The following NSD1 variants were observed in gnomAD, a reference collection of about 807,000 sequenced individuals.
NSD1 encodes the protein nuclear receptor binding SET domain protein 1.
NSD1 carries 26 observed loss-of-function variants against 242.7 expected under a neutral mutation model. The ratio of observed to expected loss-of-function variants is 0.11; its 90% confidence interval spans 0.08 to 0.15. The LOEUF (loss-of-function observed/expected upper bound fraction) is 0.15, where lower values mean the gene tolerates loss of function less well. Among genes scored for constraint, NSD1 ranks in the 10% least tolerant of loss-of-function variants. The pLI is 1.00. For synonymous variants in NSD1, 1,106 were observed against 1,178.1 expected (o/e 0.94, Z 1.25); for missense variants, 2,495 against 3,272.8 (o/e 0.76, Z 5.80).
intron 2 of NSD1, among the ~76,000 whole-genome samples, chr5:177,186,685 T>A (rs2149815204): frequency 6.6e-6 from 1 of 152,288 alleles, no homozygotes; most frequent in South Asian, 2.1e-4. Flanking sequence ...GATACGTCAC[T>A]GTCAGTGAAA....
At chr5:177,209,614 C>A in intron 4 of NSD1, 22 bp from the exon 5 acceptor site, 1 of 1,581,488 alleles carries the variant, frequency 6.3e-7, no homozygotes, top group Non-Finnish European at 8.7e-7. Flanking sequence ...AGTGATAATT[C>A]TTTTTCTCCT....
At chr5:177,164,312 A>T (rs1268033248) in intron 2 of NSD1, among the ~76,000 whole-genome samples, 1 of 151,868 alleles carries the variant, frequency 6.6e-6, no homozygotes, top group Non-Finnish European at 1.5e-5. Context: ...GCCTGCCACC[A>T]TGCCTGGCTA....
chr5:177,233,569 G>A (rs1765223941), intron 5 of NSD1, among the ~76,000 whole-genome samples: 2 of 141,366 alleles, frequency 1.4e-5, no homozygotes, highest in African/African-American at 2.7e-5. Context: ...AGTAGAGACA[G>A]GCTTTCACCA....
rs1212627700 is a variant in NSD1 at position 177,288,396 on chromosome 5, G to T, written c.6152-423G>T. The T allele has an allele frequency of 1.2e-5, 3 of 248,150 alleles. No homozygotes were observed. The East Asian group carries it at 3.3e-4, about 27-fold the overall frequency. The allele number at this position is 248,150 out of a possible 1,614,324, so 15.4% of individuals were successfully genotyped here. On this transcript the variant is annotated intron_variant, in intron 20 of 22. Coordinates refer to ENST00000439151, the MANE Select transcript of NSD1 (RefSeq NM_022455.5). ...TTCTAGTGTTATTCTGTACTGAGAT[G>T]CCTCTCCAGAGTGCTGCCAGGTAAC...
intron 14 of NSD1, chr5:177,265,678 G>A (rs918321950): frequency 6.2e-6 from 10 of 1,609,460 alleles, no homozygotes; most frequent in African/African-American, 1.3e-5. Context: ...GCCGCATGCC[G>A]ATGGTGCCGA....
chr5:177,141,557 T>A (rs966968616), intron 2 of NSD1, among the ~76,000 whole-genome samples: 9 of 151,748 alleles, frequency 5.9e-5, no homozygotes, highest in African/African-American at 2.2e-4. Context: ...CTCGAACCCC[T>A]AACCTCAAGT....
At chr5:177,132,817 G>A (rs962669950), upstream of NSD1, among the ~76,000 whole-genome samples, 1 of 145,700 alleles carries the variant, frequency 6.9e-6, no homozygotes, top group Non-Finnish European at 1.5e-5. The surrounding 1 kb of genome is among the most constrained non-coding windows in gnomAD (Gnocchi z 7.5). Flanking sequence ...GGGGGAGGGG[G>A]AAGGGAAGGG....
At chr5:177,180,489 C>T (rs1220652065) in intron 2 of NSD1, among the ~76,000 whole-genome samples, 1 of 152,104 alleles carries the variant, frequency 6.6e-6, no homozygotes. Flanking sequence ...TTCCTTGGCT[C>T]AAGTGATCCA....
At chr5:177,177,484 T>G (rs546734712) in intron 2 of NSD1, among the ~76,000 whole-genome samples, 1 of 152,168 alleles carries the variant, frequency 6.6e-6, no homozygotes, top group South Asian at 2.1e-4. Context: ...CACTCCAGTC[T>G]GGGTGACAGA....
intron 2 of NSD1, among the ~76,000 whole-genome samples, chr5:177,160,926 G>A (rs1408992981): frequency 1.1e-4 from 16 of 151,670 alleles, no homozygotes; most frequent in African/African-American, 1.9e-4. Flanking sequence ...GAGCCACCAC[G>A]CCCAGCTAAT....
Position 177,135,574 on chromosome 5 carries a change from T to G in NSD1, c.471T>G (p.Thr157=). The part of the protein sequence containing the change: ...KNGFLHFENF[T]CVDDADVDSE... Reference sequence around the variant, plus strand: ...GCTTTCTGCACTTTGAGAATTTTACTTGTGTGGACGATGCAGATGTAGATT... The same window carrying G: ...GCTTTCTGCACTTTGAGAATTTTACGTGTGTGGACGATGCAGATGTAGATT... The change falls in exon 2 of 23, where the codon ACT becomes ACG. Residue 157 remains threonine, a synonymous_variant. Coordinates refer to ENST00000439151, the MANE Select transcript of NSD1 (RefSeq NM_022455.5). 1.2e-6 allele frequency: 2 copies of G among 1,614,234 alleles called. No homozygotes were observed. The highest frequency in any genetic ancestry group is 1.7e-6 in the Non-Finnish European group (2 of 1,180,040).
At chr5:177,195,715 C>G (rs1047545860) in intron 3 of NSD1, among the ~76,000 whole-genome samples, 1 of 152,120 alleles carries the variant, frequency 6.6e-6, no homozygotes, top group African/African-American at 2.4e-5. Context: ...GCGATCTGCC[C>G]GCCTCGGCCT....
chr5:177,295,166 T>G lies in NSD1; in HGVS notation c.7798T>G (p.Phe2600Val). 6.2e-7 allele frequency: 1 copy of G among 1,614,164 alleles called. No individual in the cohort carries two copies. Among genetic ancestry groups the G allele is most frequent in the Non-Finnish European group, 8.5e-7 (1 of 1,180,024 alleles). The change falls in exon 23 of 23, where the codon TTT (phenylalanine) becomes GTT (valine). Residue 2600 changes from phenylalanine (F) to valine (V), a missense_variant. Physicochemically the swap from Phe to Val is conservative, Grantham distance 50. This residue lies in a region of NSD1 where 475 missense variants were observed against 563.7 expected (regional missense o/e 0.84). Transcript: ENST00000439151. The surrounding 1 kb of genome is among the most constrained non-coding windows in gnomAD (Gnocchi z 4.3). ...PALAAKSGQS[F>V]RSLGKAPASL... Reference sequence around the variant, plus strand: ...ACTTGCCGCCAAGAGTGGGCAATCTTTTAGGTCTCTCGGGAAGGCCCCAGC... The same window carrying G: ...ACTTGCCGCCAAGAGTGGGCAATCTGTTAGGTCTCTCGGGAAGGCCCCAGC...
chr5:177,224,210 T>C (rs145148424), intron 5 of NSD1, among the ~76,000 whole-genome samples: 17 of 152,294 alleles, frequency 1.1e-4, no homozygotes, highest in Non-Finnish European at 2.1e-4. Context: ...AAGCCAGTTA[T>C]GATTTTGATA....
intron 13 of NSD1, among the ~76,000 whole-genome samples, chr5:177,258,218 G>A (rs1054051293): frequency 6.6e-6 from 1 of 151,840 alleles, no homozygotes; most frequent in Non-Finnish European, 1.5e-5. Context: ...GACCTCAGGT[G>A]ATCTGCCTGC....
chr5:177,187,100 C>CTT (rs11285630), intron 2 of NSD1, among the ~76,000 whole-genome samples: 35 of 76,522 alleles, frequency 4.6e-4, no homozygotes, highest in Non-Finnish European at 5.4e-4. Context: ...TGTGACTTAA[C>CTT]TTTTTTTTTT....
intron 4 of NSD1, 65 bp from the exon 5 acceptor site, chr5:177,209,571 C>A: frequency 1.3e-4 from 128 of 1,010,240 alleles, no homozygotes; most frequent in Non-Finnish European, 1.7e-4. Flanking sequence ...CTTCTGATTT[C>A]ATCTCCCTTT....
At chr5:177,165,908 A>G (rs935464464) in intron 2 of NSD1, among the ~76,000 whole-genome samples, 1 of 128,184 alleles carries the variant, frequency 7.8e-6, no homozygotes, top group Non-Finnish European at 1.6e-5. Context: ...CCAGCCCACA[A>G]TCTTTTTTTT....
intron 20 of NSD1, among the ~76,000 whole-genome samples, chr5:177,287,128 C>A (rs1300319663): frequency 6.6e-6 from 1 of 152,222 alleles, no homozygotes; most frequent in Admixed American, 6.5e-5. Flanking sequence ...ATATTGAACT[C>A]TTTTCTAGAA....
Sources: allele counts gnomAD v4.1 joint callset (sites outside exome capture counted in the v4.1 genomes callset), GRCh38; gene constraint gnomAD v4.1.1; regional missense constraint gnomAD v4.1.1; non-coding constraint Gnocchi (gnomAD v3.1); transcripts MANE v1.5; gene names NCBI Gene and HGNC (gene_info 2026-07-23, HGNC 2026-07-21).